The following TMSB15B variants were observed in gnomAD, a reference collection of about 807,000 sequenced individuals.
TMSB15B encodes thymosin beta 15B.
chrX:103,955,246 C>A (rs2075048546), intron 1 of TMSB15B, among the ~76,000 whole-genome samples: 1 of 111,420 alleles, frequency 9.0e-6, no homozygotes, highest in Non-Finnish European at 1.9e-5. Context: ...AGAGTACCTT[C>A]TTTCTTCCAA....
chrX:103,938,391 T>C (rs533757423), intron 1 of TMSB15B, among the ~76,000 whole-genome samples: 1 of 112,275 alleles, frequency 8.9e-6, no homozygotes, highest in African/African-American at 3.2e-5. Context: ...CTTGTTGCAT[T>C]GATCCCTTTA....
rs782739727 is a variant in TMSB15B, at chrX:103,928,335, A to T, written c.-721+9043A>T. 9.9e-6 allele frequency: 12 copies of T among 1,206,142 alleles called. No homozygotes were observed. In the African/African-American group the frequency reaches 1.6e-4, roughly 16 times the overall value. On this transcript the variant is annotated intron_variant, in intron 1 of 3. Transcript: ENST00000419165. ...AAGGTCCTCAATACTTCTACCGGGG[A>T]ATCTACCCTCCTCTTCTCTCCAAGA...
intron 1 of TMSB15B, among the ~76,000 whole-genome samples, chrX:103,942,710 G>T (rs2075015544): frequency 9.0e-6 from 1 of 111,631 alleles, no homozygotes; most frequent in Non-Finnish European, 1.9e-5. Context: ...AAAAATAATG[G>T]TTGAAATTCT....
intron 1 of TMSB15B, among the ~76,000 whole-genome samples, chrX:103,924,245 AACCACAGCTCTATTTCCTTCTCACC>A (rs1162633557): frequency 1.8e-5 from 2 of 111,199 alleles, no homozygotes; most frequent in African/African-American, 6.5e-5. Context: ...CCTCTCTGTC[AACCACAGCTCTATTTCCTTCTCACC>A]ACATGGGGTA....
At chrX:103,934,219 A>G (rs2074991627) in intron 1 of TMSB15B, among the ~76,000 whole-genome samples, 1 of 111,361 alleles carries the variant, frequency 9.0e-6, no homozygotes, top group Non-Finnish European at 1.9e-5. Flanking sequence ...TAGCTCTCCC[A>G]TATGAGTGAG....
chrX:103,943,294 G>A (rs1556326094), intron 1 of TMSB15B, among the ~76,000 whole-genome samples: 3 of 111,844 alleles, frequency 2.7e-5, no homozygotes, highest in Admixed American at 9.5e-5. Context: ...TATAGGGAAC[G>A]TGACTCTCTC....
chrX:103,936,674 C>G (rs2074998854), intron 1 of TMSB15B, among the ~76,000 whole-genome samples: 1 of 111,923 alleles, frequency 8.9e-6, no homozygotes, highest in African/African-American at 3.3e-5. Flanking sequence ...CCAGAACTTC[C>G]AATACTGTGT....
At chrX:103,935,367 T>C (rs1198695415) in intron 1 of TMSB15B, among the ~76,000 whole-genome samples, 1 of 112,219 alleles carries the variant, frequency 8.9e-6, no homozygotes, top group East Asian at 2.8e-4. Flanking sequence ...TTGTCAATTT[T>C]GGCTTTTGTT....
intron 1 of TMSB15B, among the ~76,000 whole-genome samples, chrX:103,952,816 T>TG (rs1468467747): frequency 5.4e-5 from 6 of 111,002 alleles, no homozygotes; most frequent in Non-Finnish European, 7.6e-5. Context: ...CCAAGGGATG[T>TG]GGGGGGTGTG....
chrX:103,925,351 A>C (rs1203288473), intron 1 of TMSB15B, among the ~76,000 whole-genome samples: 12 of 112,059 alleles, frequency 1.1e-4, no homozygotes, highest in Non-Finnish European at 2.3e-4. Context: ...CTTGATCTTC[A>C]CTCCCATAAA....
At chrX:103,928,446 C>A (rs1413326822) in intron 1 of TMSB15B, 39 of 1,203,211 alleles carry the variant, frequency 3.2e-5, no homozygotes, top group Non-Finnish European at 4.2e-5. Context: ...TGGGACGCCA[C>A]TGGGCTGCAG....
chrX:103,922,060 A>G (rs1387988494), intron 1 of TMSB15B, among the ~76,000 whole-genome samples: 2 of 108,431 alleles, frequency 1.8e-5, no homozygotes, highest in Non-Finnish European at 3.8e-5. Context: ...TCTTGCCTTT[A>G]TTCCTATTAT....
chrX:103,923,887 G>A (rs5987602), intron 1 of TMSB15B, among the ~76,000 whole-genome samples: 34,301 of 109,842 alleles, frequency 0.31, 4,823 homozygotes, highest in Middle Eastern at 0.52. Context: ...GTTGAGCAGT[G>A]CTTTGTAATT....
intron 1 of TMSB15B, among the ~76,000 whole-genome samples, chrX:103,937,560 T>A (rs1437784765): frequency 1.8e-5 from 2 of 112,038 alleles, no homozygotes; most frequent in African/African-American, 6.5e-5. Context: ...TTCTCTCTTC[T>A]CTTCTTTATT....
Position 103,955,047 on chromosome X carries a change from C to T in TMSB15B, c.-720-6974C>T, listed in dbSNP as rs72616855. On this transcript the variant is annotated intron_variant, in intron 1 of 3. Transcript: ENST00000419165. Reference sequence around the variant, plus strand: ...CAGGGGTTGGGAGCTGAACATTGGCCCCCTAGTATCTTCCAGAAACGAAGC... The same window carrying T: ...CAGGGGTTGGGAGCTGAACATTGGCTCCCTAGTATCTTCCAGAAACGAAGC... Among the ~76,000 whole-genome samples the T allele has an allele frequency of 1.0e-3, 113 of 111,206 alleles. No individual in the cohort carries two copies. The East Asian group carries it at 0.031, about 30-fold the overall frequency.
At chrX:103,940,548 G>T (rs2075010005) in intron 1 of TMSB15B, among the ~76,000 whole-genome samples, 1 of 111,044 alleles carries the variant, frequency 9.0e-6, no homozygotes, top group African/African-American at 3.3e-5. Context: ...TCAGACTTTC[G>T]TGCTGGCAGC....
intron 1 of TMSB15B, among the ~76,000 whole-genome samples, chrX:103,938,476 G>T (rs1167601349): frequency 2.7e-5 from 3 of 111,598 alleles, no homozygotes; most frequent in Non-Finnish European, 5.6e-5. Flanking sequence ...GACTAGGATT[G>T]CAACCCCTGC....
intron 1 of TMSB15B, among the ~76,000 whole-genome samples, chrX:103,939,098 A>G (rs1198965366): frequency 2.7e-5 from 3 of 111,054 alleles, no homozygotes; most frequent in Non-Finnish European, 5.7e-5. Context: ...TTTTTCCTTC[A>G]TTTCAACCTT....
chrX:103,935,891 G>A, intron 1 of TMSB15B, among the ~76,000 whole-genome samples: 1 of 93,329 alleles, frequency 1.1e-5, no homozygotes, highest in Non-Finnish European at 2.1e-5. Flanking sequence ...TTGTTGCCCA[G>A]GCTGGACTGC....
Sources: allele counts gnomAD v4.1 joint callset (sites outside exome capture counted in the v4.1 genomes callset), GRCh38; gene constraint gnomAD v4.1.1; transcripts MANE v1.5; gene names NCBI Gene and HGNC (gene_info 2026-07-23, HGNC 2026-07-21).